The following LRP1B variants were observed in gnomAD, a reference collection of about 807,000 sequenced individuals.
LRP1B encodes LDL receptor related protein 1B.
Under a neutral mutation model 556.6 loss-of-function variants are expected in LRP1B, and 217 were observed. That is an observed-to-expected ratio of 0.39 (90% CI 0.35 to 0.44). The LOEUF is 0.44. Among genes scored for constraint, LRP1B ranks in the 20% least tolerant of loss-of-function variants. The pLI, the probability that LRP1B is intolerant of heterozygous loss-of-function variation, is 1.00. For missense variants in LRP1B, 5,053 were observed against 5,620.8 expected, an observed-to-expected ratio of 0.90 and a Z score of 3.23; for synonymous variants, 2,047 against 1,865.8, an observed-to-expected ratio of 1.10 and a Z score of -2.50.
intron 11 of LRP1B, among the ~76,000 whole-genome samples, chr2:141,030,680 C>T (rs1411788732): frequency 6.6e-6 from 1 of 151,966 alleles, no homozygotes; most frequent in Non-Finnish European, 1.5e-5. Flanking sequence ...CAGACCATCA[C>T]CACACATTAA....
At chr2:141,257,243 C>A (rs1398914897) in intron 3 of LRP1B, among the ~76,000 whole-genome samples, 1 of 151,988 alleles carries the variant, frequency 6.6e-6, no homozygotes, top group Non-Finnish European at 1.5e-5. Flanking sequence ...AAAGAGGAAG[C>A]AGGAAAGGTT....
At chr2:141,952,814 G>T (rs748598181) in intron 1 of LRP1B, among the ~76,000 whole-genome samples, 15 of 151,934 alleles carry the variant, frequency 9.9e-5, no homozygotes, top group Non-Finnish European at 1.5e-4. Context: ...GCTTACTGTT[G>T]AAAAAATAAG....
At chr2:141,752,509 T>A (rs928461486) in intron 2 of LRP1B, among the ~76,000 whole-genome samples, 13 of 152,094 alleles carry the variant, frequency 8.5e-5, no homozygotes, top group African/African-American at 1.4e-4. Context: ...TTCCTCACTA[T>A]CCACTAACTC....
chr2:140,973,447 C>G (rs924503339), intron 18 of LRP1B, among the ~76,000 whole-genome samples: 1 of 151,980 alleles, frequency 6.6e-6, no homozygotes, highest in Non-Finnish European at 1.5e-5. Flanking sequence ...GGACCTCACT[C>G]ATGTACATAT....
chr2:141,942,914 A>G, intron 1 of LRP1B, among the ~76,000 whole-genome samples: 1 of 152,194 alleles, frequency 6.6e-6, no homozygotes, highest in African/African-American at 2.4e-5. Flanking sequence ...GGTTTTTGGT[A>G]TTGTTCTACT....
At chr2:140,551,305 A>AGAT (rs1418569669) in intron 43 of LRP1B, among the ~76,000 whole-genome samples, 1 of 152,196 alleles carries the variant, frequency 6.6e-6, no homozygotes, top group Non-Finnish European at 1.5e-5. Context: ...ATGCCATCTA[A>AGAT]GATTGTCCTG....
In LRP1B at chr2:141,188,600, C is replaced by G; in HGVS notation, c.851-17G>C. 6.2e-7 allele frequency: 1 copy of G among 1,608,854 alleles called. No individual in the cohort carries two copies. Among genetic ancestry groups the G allele is most frequent in the Non-Finnish European group, 8.5e-7 (1 of 1,176,718 alleles). ...GTTGCACATCTGAAAAACACATACACAAAATCATTGAATCACAGGTGCAAT... is the reference window on the plus strand; with the variant it reads ...GTTGCACATCTGAAAAACACATACAGAAAATCATTGAATCACAGGTGCAAT... On this transcript the variant is annotated splice_polypyrimidine_tract_variant and intron_variant, in intron 6 of 90. Transcript: ENST00000389484.
chr2:141,575,493 A>G (rs1221633206), intron 2 of LRP1B, among the ~76,000 whole-genome samples: 2 of 152,228 alleles, frequency 1.3e-5, no homozygotes, highest in Non-Finnish European at 2.9e-5. Flanking sequence ...CAAACCATAA[A>G]AACCCTAGAA....
In LRP1B at chr2:141,996,712, T is replaced by TCC. The variant is rs1475337893; in HGVS notation, c.82+133935_82+133936insGG. ...TATTTCCTGTATTTAAATTTTTTCT[T>TCC]TCCCCCCCCCTACAAACTAGTGACA... On this transcript the variant is annotated intron_variant, in intron 1 of 90. Coordinates refer to ENST00000389484, the MANE Select transcript of LRP1B (RefSeq NM_018557.3). Among the ~76,000 whole-genome samples, 3 of 86,108 alleles carry TCC rather than the reference T, an allele frequency of 3.5e-5. No homozygotes were observed. The Admixed American group carries it at 3.8e-4, about 11-fold the overall frequency. The allele number at this position is 86,108 out of a possible 152,430, so 56.5% of individuals were successfully genotyped here. A position where few individuals can be genotyped will look rare whatever the true frequency, so the allele number is the denominator to read the frequency against.
chr2:141,728,649 G>T (rs992447336), intron 2 of LRP1B, among the ~76,000 whole-genome samples: 1 of 152,044 alleles, frequency 6.6e-6, no homozygotes, highest in Non-Finnish European at 1.5e-5. Flanking sequence ...AAGCTCATTT[G>T]ACTGTAGCAA....
In LRP1B at chr2:141,227,961, T is replaced by C. The variant is rs116805078; in HGVS notation, c.850+1222A>G. ...TTCTTTTTAAGACAGAGTTTTGCTC[T>C]TGTCACCCAGGTTGGAGTGCAATGT... On this transcript the variant is annotated intron_variant, in intron 6 of 90. Coordinates refer to ENST00000389484, the MANE Select transcript of LRP1B (RefSeq NM_018557.3). Among the ~76,000 whole-genome samples, 721 of 152,250 alleles carry C rather than the reference T, an allele frequency of 4.7e-3. 6 individuals carry two copies. The highest frequency in any genetic ancestry group is 0.017 in the African/African-American group (691 of 41,568).
chr2:140,410,122 T>G (rs1310297915), intron 66 of LRP1B, among the ~76,000 whole-genome samples: 1 of 152,096 alleles, frequency 6.6e-6, no homozygotes, highest in East Asian at 1.9e-4. Context: ...ATGACAAGAT[T>G]TGTTATTCCT....
At position 141,202,052 on chromosome 2, in the gene LRP1B, A is replaced by G. The variant is rs770755045; in HGVS notation, c.851-13469T>C. Among the ~76,000 whole-genome samples, 45 of 152,192 alleles carry G rather than the reference A, an allele frequency of 3.0e-4. 1 individual carries two copies. Among genetic ancestry groups the G allele is most frequent in the Admixed American group, 5.9e-4 (9 of 15,280 alleles). Reference sequence around the variant, plus strand: ...GCCATGATGGTTTGCCACACAGATCATTCCATCACCTAGATATTAAGCCCA... The same window carrying G: ...GCCATGATGGTTTGCCACACAGATCGTTCCATCACCTAGATATTAAGCCCA... On this transcript the variant is annotated intron_variant, in intron 6 of 90. Transcript: ENST00000389484.
chr2:141,932,295 TTAAAG>T (rs1169846051), intron 1 of LRP1B, among the ~76,000 whole-genome samples: 2 of 152,080 alleles, frequency 1.3e-5, no homozygotes, highest in East Asian at 1.9e-4. Flanking sequence ...ATTAAAAGTA[TTAAAG>T]TATTTTAGCT....
intron 51 of LRP1B, among the ~76,000 whole-genome samples, chr2:140,510,896 T>A (rs1274665691): frequency 6.6e-6 from 1 of 152,174 alleles, no homozygotes; most frequent in East Asian, 1.9e-4. Flanking sequence ...CTCATGATAT[T>A]TTCCTAGTCC....
Position 140,705,521 on chromosome 2 carries a change from C to CAAAAA in LRP1B, c.6024-2973_6024-2969dup, listed in dbSNP as rs565447198. Among the ~76,000 whole-genome samples, 44 of 68,200 alleles carry CAAAAA rather than the reference C, an allele frequency of 6.5e-4. 1 individual carries two copies. Among genetic ancestry groups the CAAAAA allele is most frequent in the African/African-American group, 1.3e-3 (19 of 14,472 alleles). 44.7% of individuals were successfully genotyped at this position (68,200 alleles called of 152,430 possible). On this transcript the variant is annotated intron_variant, in intron 37 of 90. Transcript: ENST00000389484. ...CATGGGGAACAGAGTGAGACTGTCTCAAAAAAAAAAAAAAAAAAAAAAAAA... is the reference window on the plus strand; with the variant it reads ...CATGGGGAACAGAGTGAGACTGTCTCAAAAAAAAAAAAAAAAAAAAAAAAAAAAAA...
chr2:140,897,111 C>CATTG (rs1309454609), intron 23 of LRP1B, among the ~76,000 whole-genome samples: 2 of 152,132 alleles, frequency 1.3e-5, no homozygotes, highest in Non-Finnish European at 2.9e-5. Flanking sequence ...AAAAATGTTT[C>CATTG]ATTGTAACTT....
chr2:141,463,581 AT>A (rs1462039669), intron 3 of LRP1B, among the ~76,000 whole-genome samples: 29 of 50,398 alleles, frequency 5.8e-4, no homozygotes, highest in Admixed American at 2.5e-3. Flanking sequence ...ATTATATATA[AT>A]TATATATAAT....
intron 24 of LRP1B, among the ~76,000 whole-genome samples, chr2:140,884,894 G>A (rs1573841641): frequency 6.6e-6 from 1 of 151,866 alleles, no homozygotes; most frequent in Non-Finnish European, 1.5e-5. Context: ...TTGTATTTTT[G>A]GTAGAGATGG....
Sources: allele counts gnomAD v4.1 joint callset (sites outside exome capture counted in the v4.1 genomes callset), GRCh38; gene constraint gnomAD v4.1.1; transcripts MANE v1.5; gene names NCBI Gene and HGNC (gene_info 2026-07-23, HGNC 2026-07-21).